CPEB2: variants seen among roughly 807,000 people sequenced by gnomAD.
CPEB2 encodes the protein cytoplasmic polyadenylation element-binding protein 2.
CPEB2 carries 56 observed loss-of-function variants against 93.6 expected under a neutral mutation model. That is an observed-to-expected ratio of 0.60 (90% CI 0.48 to 0.75). CPEB2 has a LOEUF of 0.75. Among genes scored for constraint, CPEB2 ranks in the 30% least tolerant of loss-of-function variants. The pLI, the probability that CPEB2 is intolerant of heterozygous loss-of-function variation, is 0.00. For synonymous variants in CPEB2, 764 were observed against 586.3 expected (o/e 1.30, Z -4.38); for missense variants, 1,579 against 1,395.1 (o/e 1.13, Z -2.10).
chr4:15,030,228 TAA>T (rs746005429), intron 4 of CPEB2, among the ~76,000 whole-genome samples: 6 of 152,044 alleles, frequency 3.9e-5, no homozygotes, highest in African/African-American at 7.2e-5. Context: ...GTGAATTTTT[TAA>T]GAGATAAAAT....
chr4:15,041,138 A>G (rs1727147691), intron 6 of CPEB2, among the ~76,000 whole-genome samples: 2 of 152,122 alleles, frequency 1.3e-5, no homozygotes, highest in Admixed American at 1.3e-4. Context: ...ATGTGATGCA[A>G]GACTATTATT....
At chr4:15,040,341 C>A in intron 5 of CPEB2, 123 bp from the exon 6 acceptor site, 2 of 803,368 alleles carry the variant, frequency 2.5e-6, no homozygotes, top group Middle Eastern at 2.5e-4. Context: ...ATTGTCATTG[C>A]TCTTAAAACA....
chr4:15,016,512 T>C (rs932064652), intron 3 of CPEB2, among the ~76,000 whole-genome samples: 3 of 151,970 alleles, frequency 2.0e-5, no homozygotes, highest in African/African-American at 4.8e-5. Flanking sequence ...GTGCTTTTAC[T>C]CTTCTCTCCT....
chr4:15,039,663 C>T (rs1726985397), intron 5 of CPEB2, among the ~76,000 whole-genome samples: 1 of 148,640 alleles, frequency 6.7e-6, no homozygotes. Context: ...AAATTACAGT[C>T]TTTTTTTTTT....
intron 5 of CPEB2, among the ~76,000 whole-genome samples, chr4:15,036,218 G>A (rs533263717): frequency 3.5e-4 from 53 of 152,156 alleles, no homozygotes; most frequent in African/African-American, 1.3e-3. Context: ...ATCTCATGAG[G>A]CTGTAGAGAT....
At chr4:15,029,435 TA>T (rs1725848860) in intron 4 of CPEB2, among the ~76,000 whole-genome samples, 1 of 152,210 alleles carries the variant, frequency 6.6e-6, no homozygotes, top group African/African-American at 2.4e-5. Flanking sequence ...AAAATACATA[TA>T]TTTTTTAAAT....
At chr4:15,027,333 G>C (rs934084584) in intron 4 of CPEB2, among the ~76,000 whole-genome samples, 20 of 152,326 alleles carry the variant, frequency 1.3e-4, no homozygotes, top group South Asian at 8.3e-4. Flanking sequence ...ATCTAAAGTA[G>C]ATTGATGGCT....
intron 11 of CPEB2, chr4:15,063,850 G>A (rs1001881642): frequency 1.3e-5 from 2 of 152,042 alleles, no homozygotes; most frequent in African/African-American, 4.8e-5. Context: ...ATACCTGAGG[G>A]AAAAGCTTAT....
chr4:15,016,146 T>G (rs997284338), intron 3 of CPEB2, among the ~76,000 whole-genome samples: 8 of 152,050 alleles, frequency 5.3e-5, no homozygotes, highest in Admixed American at 5.2e-4. Flanking sequence ...GATTCTTCCT[T>G]TCCATTTTCT....
At chr4:15,012,883 A>G (rs115087258) in intron 3 of CPEB2, among the ~76,000 whole-genome samples, 80 of 152,094 alleles carry the variant, frequency 5.3e-4, no homozygotes, top group African/African-American at 1.9e-3. Flanking sequence ...CAAGAGGAGA[A>G]GTTTCTAATT....
intron 6 of CPEB2, among the ~76,000 whole-genome samples, chr4:15,050,230 C>T (rs1034315366): frequency 9.2e-5 from 14 of 152,102 alleles, no homozygotes; most frequent in South Asian, 2.1e-4. Flanking sequence ...CTCACAGGAG[C>T]GTGAACCCTA....
chr4:15,045,976 T>C (rs1001499761), intron 6 of CPEB2, among the ~76,000 whole-genome samples: 1 of 152,220 alleles, frequency 6.6e-6, no homozygotes, highest in Non-Finnish European at 1.5e-5. Flanking sequence ...AACATTTTAT[T>C]GTATGAATTT....
chr4:15,035,966 T>C (rs530897737), intron 5 of CPEB2, among the ~76,000 whole-genome samples: 3 of 152,314 alleles, frequency 2.0e-5, no homozygotes, highest in African/African-American at 7.2e-5. Context: ...ATATGGCAAA[T>C]ATATCTGTAA....
At chr4:15,062,353 CTT>C in intron 11 of CPEB2, 93 bp downstream of exon 11, 1 of 868,744 alleles carries the variant, frequency 1.2e-6, no homozygotes, top group East Asian at 2.6e-5. Context: ...AATTTGAACA[CTT>C]TAATTTTTAT....
intron 4 of CPEB2, among the ~76,000 whole-genome samples, chr4:15,025,358 A>G (rs943608094): frequency 2.0e-5 from 3 of 152,006 alleles, no homozygotes; most frequent in African/African-American, 7.2e-5. Context: ...TGCTTCTTCA[A>G]AGTTCTTTTT....
In CPEB2 at chr4:15,003,752, G is replaced by T. The variant is rs1427928262; in HGVS notation, c.1079G>T (p.Gly360Val). ...PGGGGGGGGG[G>V]PPGGGGGGGS... ...GGCGGCGGCGGCGGCGGGGGCGGGGGGCCCCCAGGAGGCGGAGGGGGAGGC... is the reference window on the plus strand; with the variant it reads ...GGCGGCGGCGGCGGCGGGGGCGGGGTGCCCCCAGGAGGCGGAGGGGGAGGC... Residue 360 changes from glycine to valine, a missense_variant, in exon 1 of 12, where the codon GGG becomes GTG. Around this residue, in one of 2 missense-constraint regions of CPEB2, gnomAD observed 1,411 missense variants for 1,056.0 expected, o/e 1.34. Transcript: ENST00000538197. 2 of 1,259,952 alleles carry T rather than the reference G, an allele frequency of 1.6e-6. No homozygotes were observed. The highest frequency in any genetic ancestry group is 3.2e-5 in the South Asian group (1 of 31,704). 78.0% of individuals were successfully genotyped at this position (1,259,952 alleles called of 1,614,324 possible).
At chr4:15,017,437 A>C in intron 4 of CPEB2, 159 bp downstream of exon 4, 1 of 458,496 alleles carries the variant, frequency 2.2e-6, no homozygotes, top group Non-Finnish European at 3.8e-6. Flanking sequence ...GAAATGCCAT[A>C]TTTTTCCTTT....
chr4:15,042,112 C>T (rs1476800537), intron 6 of CPEB2, among the ~76,000 whole-genome samples: 1 of 152,178 alleles, frequency 6.6e-6, no homozygotes, highest in Non-Finnish European at 1.5e-5. Context: ...AACCCACTTA[C>T]CAGTCTGTGA....
chr4:15,004,398 C>T lies in CPEB2; in HGVS notation c.1662+63C>T, dbSNP rs1577350912. 4.8e-6 allele frequency: 6 copies of T among 1,254,974 alleles called. No individual in the cohort carries two copies. In the South Asian group the frequency reaches 5.0e-5, roughly 10 times the overall value. The allele number at this position is 1,254,974 out of a possible 1,614,324, so 77.7% of individuals were successfully genotyped here. On this transcript the variant is annotated intron_variant, in intron 1 of 11. Transcript: ENST00000538197. The stretch of plus-strand genomic sequence containing the variant: ...GGAGACCATGGGCGGGGGACGGAGG[C>T]GGGGGCAGGGCAGCCGGGGACCCGA...
Sources: gnomAD v4.1 joint callset for allele counts (sites outside exome capture counted in the v4.1 genomes callset) on GRCh38, gnomAD v4.1.1 for gene constraint, gnomAD v4.1.1 regional missense constraint, MANE v1.5 for transcripts, NCBI Gene and HGNC (gene_info 2026-07-23, HGNC 2026-07-21) for gene names.